Variants in CELF2 observed in about 807,000 individuals in gnomAD.
CELF2 encodes the protein CUGBP Elav-like family member 2, also known as CUG triplet repeat RNA-binding protein 2.
CELF2 carries 8 observed loss-of-function variants against 62.6 expected under a neutral mutation model. The ratio of observed to expected loss-of-function variants is 0.13; its 90% CI spans 0.07 to 0.23. CELF2 has a LOEUF of 0.23. Ranked by LOEUF, CELF2 falls within the 10% of genes least tolerant of loss-of-function variation. The probability of loss-of-function intolerance (pLI) is 1.00; values close to 1 mark genes in which losing one functional copy is unlikely to be tolerated. For missense variants in CELF2, 333 were observed against 671.0 expected (o/e 0.50, Z 5.56); for synonymous variants, 258 against 250.0 (o/e 1.03, Z -0.30).
At position 10,811,590 on chromosome 10, in the gene CELF2, G is replaced by A. The variant is rs187593777; in HGVS notation, c.53+12773G>A. On this transcript the variant is annotated intron_variant, in intron 1 of 13. Coordinates refer to the CELF2 transcript ENST00000636488. ...AGGGGGTACATGCACATCTCAAAGG[G>A]ATGGAGGAAGGGATCACCATTATAA... 2.2e-4 allele frequency among the ~76,000 whole-genome samples: 34 copies of A among 152,146 alleles called. 1 individual carries two copies. The highest frequency in any genetic ancestry group is 2.0e-3 in the Admixed American group (31 of 15,274).
the CELF2 span, among the ~76,000 whole-genome samples, chr10:10,686,317 G>GGT: frequency 5.2e-5 from 4 of 76,204 alleles, no homozygotes; most frequent in Admixed American, 2.1e-4. Context: ...TTTTGGGGGG[G>GGT]GGGGTGGGGT....
chr10:10,986,814 C>T (rs114210644), intron 2 of CELF2, among the ~76,000 whole-genome samples: 9 of 152,230 alleles, frequency 5.9e-5, no homozygotes, highest in Non-Finnish European at 1.0e-4. Flanking sequence ...TAAACATTAG[C>T]GTCAGCACTA....
At chr10:10,510,971 A>T in the CELF2 span, among the ~76,000 whole-genome samples, 1 of 152,220 alleles carries the variant, frequency 6.6e-6, no homozygotes, top group Non-Finnish European at 1.5e-5. Context: ...TAAAGGAGTA[A>T]GGTGAAAGGG....
chr10:10,666,849 G>C, the CELF2 span, among the ~76,000 whole-genome samples: 1 of 64,416 alleles, frequency 1.6e-5, no homozygotes, highest in Non-Finnish European at 2.7e-5. Flanking sequence ...GCGACAGAGC[G>C]AGACTCCGTC....
rs869213973 is a variant in CELF2 at position 11,211,813 on chromosome 10, A to AGTGT, written c.272-5573_272-5570dup. ...GTGTGAGAGAGAGAGAGAGAGAGAG[A>AGTGT]GTGTGTGTGTGTGTGTGTGTGTGTG... On this transcript the variant is annotated intron_variant, in intron 2 of 12. Coordinates refer to ENST00000633077, the MANE Select transcript of CELF2 (RefSeq NM_001326342.2). The surrounding 1 kb of genome is among the most constrained non-coding windows in gnomAD (Gnocchi z 4.8). 7.9e-3 allele frequency among the ~76,000 whole-genome samples: 702 copies of AGTGT among 89,336 alleles called. 5 individuals carry two copies. The highest frequency in any genetic ancestry group is 0.025 in the South Asian group (75 of 2,948). 58.6% of individuals were successfully genotyped at this position (89,336 alleles called of 152,430 possible).
chr10:11,077,170 T>C (rs924378654), intron 1 of CELF2, among the ~76,000 whole-genome samples: 8 of 152,220 alleles, frequency 5.3e-5, no homozygotes, highest in African/African-American at 4.8e-5. Context: ...TGCCGAGGGT[T>C]ATCATTATAA....
At chr10:11,009,436 T>C (rs1292022701) in intron 1 of CELF2, among the ~76,000 whole-genome samples, 2 of 152,086 alleles carry the variant, frequency 1.3e-5, no homozygotes, top group Non-Finnish European at 2.9e-5. Flanking sequence ...GAGGTACACT[T>C]TGTTCCCAAA....
chr10:10,901,634 G>T (rs184456629), intron 1 of CELF2, among the ~76,000 whole-genome samples: 33 of 152,222 alleles, frequency 2.2e-4, no homozygotes, highest in East Asian at 1.9e-4. Flanking sequence ...CTAAAAGCGT[G>T]ATCCAAAAGC....
intron 1 of CELF2, among the ~76,000 whole-genome samples, chr10:11,111,493 C>T (rs1321663194): frequency 6.6e-6 from 1 of 152,192 alleles, no homozygotes; most frequent in African/African-American, 2.4e-5. Flanking sequence ...TTCCTCCCAA[C>T]ATAGCCCACC....
chr10:11,169,977 C>T (rs1414725529), intron 2 of CELF2, among the ~76,000 whole-genome samples: 2 of 152,226 alleles, frequency 1.3e-5, no homozygotes, highest in East Asian at 1.9e-4. Flanking sequence ...CCAAGAAAAA[C>T]CATGGGATTT....
chr10:10,771,902 G>T, the CELF2 span, among the ~76,000 whole-genome samples: 2 of 152,204 alleles, frequency 1.3e-5, no homozygotes, highest in African/African-American at 4.8e-5. Flanking sequence ...ACAGATTTCA[G>T]TCACTTACAA....
chr10:10,559,894 C>T, the CELF2 span, among the ~76,000 whole-genome samples: 5 of 152,132 alleles, frequency 3.3e-5, no homozygotes, highest in Non-Finnish European at 1.5e-5. Context: ...AAAATTTGCA[C>T]TAAAATCGTT....
chr10:10,956,262 ATGG>A (rs1422380858), intron 2 of CELF2, among the ~76,000 whole-genome samples: 1 of 152,220 alleles, frequency 6.6e-6, no homozygotes, highest in African/African-American at 2.4e-5. Flanking sequence ...ATGGAAGCTT[ATGG>A]TATCTCTGCT....
the CELF2 span, among the ~76,000 whole-genome samples, chr10:10,613,525 G>C: frequency 1.3e-5 from 2 of 152,144 alleles, no homozygotes; most frequent in Non-Finnish European, 2.9e-5. Context: ...TCTTAATTTA[G>C]TATTTACAAT....
the CELF2 span, among the ~76,000 whole-genome samples, chr10:10,745,885 G>A: frequency 6.6e-6 from 1 of 152,170 alleles, no homozygotes; most frequent in Non-Finnish European, 1.5e-5. Flanking sequence ...CAATGTGCGG[G>A]CAAAACACGT....
At chr10:11,074,096 AC>A (rs2071075174) in intron 1 of CELF2, among the ~76,000 whole-genome samples, 1 of 152,182 alleles carries the variant, frequency 6.6e-6, no homozygotes, top group Non-Finnish European at 1.5e-5. Context: ...TAAAGTATAT[AC>A]GAGTATGTGT....
upstream of CELF2, chr10:11,005,229 A>C: frequency 7.1e-7 from 1 of 1,407,304 alleles, no homozygotes; most frequent in Non-Finnish European, 9.6e-7. This position sits in a 1 kb window ranked among gnomAD's most constrained non-coding sequence, Gnocchi z 4.3. Flanking sequence ...TTGACTAGGG[A>C]AGAGAGTGGG....
rs536822426 is a variant in CELF2, at chr10:11,326,627, C to T, written c.1438+648C>T. 1.7e-4 allele frequency among the ~76,000 whole-genome samples: 26 copies of T among 152,232 alleles called. No individual in the cohort carries two copies. In the South Asian group the frequency reaches 4.6e-3, roughly 27 times the overall value. On this transcript the variant is annotated intron_variant, in intron 12 of 12. Coordinates refer to ENST00000633077, the MANE Select transcript of CELF2 (RefSeq NM_001326342.2). ...GCTCCCTTAGGGAGGAAGGGATGCT[C>T]ACAGAATGGACTGATGTTTTACACC...
intron 2 of CELF2, among the ~76,000 whole-genome samples, chr10:10,973,496 A>G (rs1475063614): frequency 1.3e-5 from 2 of 152,058 alleles, no homozygotes; most frequent in Non-Finnish European, 1.5e-5. Context: ...AAGCCTGCCT[A>G]CTCACCATGT....
Sources: allele counts gnomAD v4.1 joint callset (sites outside exome capture counted in the v4.1 genomes callset), GRCh38; gene constraint gnomAD v4.1.1; non-coding constraint Gnocchi (gnomAD v3.1); transcripts MANE v1.5; gene names NCBI Gene and HGNC (gene_info 2026-07-23, HGNC 2026-07-21).